Variants in CFDP1 observed in about 807,000 individuals in gnomAD.
The protein encoded by CFDP1 is heterochromatin-stabilizing protein CFDP1.
Under a neutral mutation model 40.1 loss-of-function variants are expected in CFDP1, and 31 were observed. The observed-to-expected ratio is 0.77, with a 90% CI of 0.58 to 1.04. CFDP1 has a LOEUF of 1.04. Ranked by LOEUF, CFDP1 falls within the 50% of genes least tolerant of loss-of-function variation. The pLI, the probability that CFDP1 is intolerant of heterozygous loss-of-function variation, is 0.00. For synonymous variants in CFDP1, 167 were observed against 120.0 expected (o/e 1.39, Z -2.56); for missense variants, 423 against 343.4 (o/e 1.23, Z -1.83).
At chr16:75,421,322 T>C (rs1386512606) in intron 1 of CFDP1, among the ~76,000 whole-genome samples, 1 of 152,164 alleles carries the variant, frequency 6.6e-6, no homozygotes, top group Non-Finnish European at 1.5e-5. Context: ...TAAATTATCA[T>C]GGCTGTGGGA....
At chr16:75,365,111 T>G (rs1160259306) in intron 5 of CFDP1, among the ~76,000 whole-genome samples, 1 of 152,216 alleles carries the variant, frequency 6.6e-6, no homozygotes, top group Non-Finnish European at 1.5e-5. Context: ...AAATATTTGG[T>G]ATATTAATAT....
At chr16:75,368,044 C>T (rs752551120) in intron 5 of CFDP1, among the ~76,000 whole-genome samples, 3 of 152,126 alleles carry the variant, frequency 2.0e-5, no homozygotes, top group Non-Finnish European at 4.4e-5. Flanking sequence ...GCAGAGGTTG[C>T]GGTGAGCCAA....
intron 5 of CFDP1, among the ~76,000 whole-genome samples, chr16:75,376,856 C>CAT (rs1313814926): frequency 6.6e-6 from 1 of 152,188 alleles, no homozygotes; most frequent in African/African-American, 2.4e-5. Context: ...AATGACCTGA[C>CAT]GATCCAGAAG....
chr16:75,338,477 T>C (rs1286678888), intron 5 of CFDP1, among the ~76,000 whole-genome samples: 4 of 152,172 alleles, frequency 2.6e-5, no homozygotes, highest in African/African-American at 9.7e-5. Flanking sequence ...AAGATGAGCA[T>C]GATCTGGAGG....
chr16:75,347,375 A>AAGAAAC (rs1161469815), intron 5 of CFDP1, among the ~76,000 whole-genome samples: 1 of 148,402 alleles, frequency 6.7e-6, no homozygotes, highest in African/African-American at 2.5e-5. Flanking sequence ...GAAAAAGAAA[A>AAGAAAC]AGAAAAAGAA....
In CFDP1 at chr16:75,413,971, T is replaced by C. The variant is rs190811605; in HGVS notation, c.182+607A>G. ...TATACATTATATACATTTATATATTTATGTATACTTTGTATACATGTATAC... is the reference window on the plus strand; with the variant it reads ...TATACATTATATACATTTATATATTCATGTATACTTTGTATACATGTATAC... On this transcript the variant is annotated intron_variant, in intron 2 of 6. Coordinates refer to ENST00000283882, the MANE Select transcript of CFDP1 (RefSeq NM_006324.3). 6.6e-3 allele frequency among the ~76,000 whole-genome samples: 1,012 copies of C among 152,292 alleles called. 4 individuals carry two copies. Among genetic ancestry groups the C allele is most frequent in the Non-Finnish European group, 9.6e-3 (650 of 68,016 alleles).
At chr16:75,432,367 T>G (rs1229918919) in intron 1 of CFDP1, among the ~76,000 whole-genome samples, 1 of 62,428 alleles carries the variant, frequency 1.6e-5, no homozygotes, top group African/African-American at 4.9e-5. Context: ...AAGATGCCAT[T>G]TCTAAAAAAA....
chr16:75,330,629 G>C (rs768171060), intron 5 of CFDP1, among the ~76,000 whole-genome samples: 2 of 152,126 alleles, frequency 1.3e-5, no homozygotes, highest in Non-Finnish European at 2.9e-5. Context: ...TTTGGCTTCA[G>C]GACAGAGGTA....
chr16:75,362,120 G>A (rs2078683774), intron 5 of CFDP1, among the ~76,000 whole-genome samples: 2 of 152,288 alleles, frequency 1.3e-5, no homozygotes, highest in South Asian at 2.1e-4. Flanking sequence ...ACACAAATTG[G>A]GTAATAAGTC....
chr16:75,335,332 G>A (rs960263106), intron 5 of CFDP1, among the ~76,000 whole-genome samples: 3 of 151,956 alleles, frequency 2.0e-5, no homozygotes, highest in Non-Finnish European at 4.4e-5. Flanking sequence ...GCTTATGTTC[G>A]TGGTCAAAAT....
At chr16:75,379,027 T>TA (rs941445746) in intron 5 of CFDP1, among the ~76,000 whole-genome samples, 4 of 151,946 alleles carry the variant, frequency 2.6e-5, no homozygotes, top group Admixed American at 6.6e-5. Context: ...TCAAGGGAAT[T>TA]AAAAAAATAA....
rs184289947 is a variant in CFDP1, at chr16:75,347,079, C to T, written c.651-41897G>A. ...GAAAGAACAGGCCAGGCACGGGGGG[C>T]TCACACCTGTAATCCCAGCACTTTG... On this transcript the variant is annotated intron_variant, in intron 5 of 6. Coordinates refer to ENST00000283882, the MANE Select transcript of CFDP1 (RefSeq NM_006324.3). Among the ~76,000 whole-genome samples the T allele has an allele frequency of 7.0e-4, 107 of 152,136 alleles. 1 individual carries two copies. The highest frequency in any genetic ancestry group is 2.6e-3 in the African/African-American group (107 of 41,520).
chr16:75,309,211 G>T (rs1048772577), intron 5 of CFDP1, among the ~76,000 whole-genome samples: 1 of 152,142 alleles, frequency 6.6e-6, no homozygotes. Flanking sequence ...AGGGGTTTCA[G>T]TGTCCTAATC....
At chr16:75,309,049 T>G (rs538631591) in intron 5 of CFDP1, among the ~76,000 whole-genome samples, 11 of 152,262 alleles carry the variant, frequency 7.2e-5, no homozygotes, top group African/African-American at 2.4e-4. Context: ...GTCTTTTATT[T>G]GAGGCTAAAT....
chr16:75,395,170 T>C lies in CFDP1; in HGVS notation c.570A>G (p.Lys190=), dbSNP rs1331375830. ...CTTTCTCATTCTGCTTGAAGAAGGA[T>C]TTGGCCTCTTTAGATGTAGCATCCA... ...KEVDATSKEA[K]SFFKQNEKEK... is the part of the protein sequence containing the mutation. The change falls in exon 5 of 7, where the codon AAA becomes AAG. Residue 190 remains lysine (K), a synonymous_variant. Transcript: ENST00000283882. 1.9e-6 allele frequency: 3 copies of C among 1,613,622 alleles called. No homozygotes were observed. Among genetic ancestry groups the C allele is most frequent in the Non-Finnish European group, 2.5e-6 (3 of 1,179,762 alleles).
rs150666926 is a variant in CFDP1, at chr16:75,329,505, T to C, written c.651-24323A>G. 4.6e-5 allele frequency among the ~76,000 whole-genome samples: 7 copies of C among 152,276 alleles called. No homozygotes were observed. The East Asian group carries it at 1.4e-3, about 29-fold the overall frequency. ...TTAGTCTCTTGGCTGCTACTGCTTC[T>C]TTTTTTAAGAGACAAGGTCTCACTG... On this transcript the variant is annotated intron_variant, in intron 5 of 6. Coordinates refer to ENST00000283882, the MANE Select transcript of CFDP1 (RefSeq NM_006324.3).
chr16:75,392,683 G>C (rs1403887841), intron 5 of CFDP1, among the ~76,000 whole-genome samples: 3 of 152,044 alleles, frequency 2.0e-5, no homozygotes, highest in East Asian at 1.9e-4. Context: ...TTTTGAGTAG[G>C]CATGGGGTTT....
At chr16:75,326,085 T>C (rs2078398893) in intron 5 of CFDP1, among the ~76,000 whole-genome samples, 1 of 152,244 alleles carries the variant, frequency 6.6e-6, no homozygotes, top group African/African-American at 2.4e-5. Flanking sequence ...TCTTTGTTTT[T>C]TGGTCCATGA....
At chr16:75,386,462 C>A (rs8062107) in intron 5 of CFDP1, among the ~76,000 whole-genome samples, 1 of 152,288 alleles carries the variant, frequency 6.6e-6, no homozygotes, top group Admixed American at 6.5e-5. Flanking sequence ...CAGTGGCTCA[C>A]GCCTGTAATC....
Sources: gnomAD v4.1 joint callset for allele counts (sites outside exome capture counted in the v4.1 genomes callset) on GRCh38, gnomAD v4.1.1 for gene constraint, MANE v1.5 for transcripts, NCBI Gene and HGNC (gene_info 2026-07-23, HGNC 2026-07-21) for gene names.